LINC00305: variants seen among roughly 807,000 people sequenced by gnomAD.
LINC00305 encodes long intergenic non-protein coding RNA 305.
intron 1 of LINC00305, among the ~76,000 whole-genome samples, chr18:64,140,888 G>A (rs553685381): frequency 3.8e-4 from 57 of 151,996 alleles, no homozygotes; most frequent in African/African-American, 1.3e-3. Flanking sequence ...AGAAAGACAC[G>A]GAGAGATGCA....
At chr18:64,111,879 C>T (rs1046669789) in intron 1 of LINC00305, among the ~76,000 whole-genome samples, 6 of 152,120 alleles carry the variant, frequency 3.9e-5, no homozygotes, top group South Asian at 2.1e-4. Context: ...AATGTACCTC[C>T]GGGAACAGTA....
intron 1 of LINC00305, among the ~76,000 whole-genome samples, chr18:64,107,875 G>A (rs1438592426): frequency 6.6e-6 from 1 of 152,152 alleles, no homozygotes; most frequent in Non-Finnish European, 1.5e-5. Flanking sequence ...CAATAGGCTG[G>A]TTCTACATCT....
intron 3 of LINC00305, among the ~76,000 whole-genome samples, chr18:64,096,762 C>CA (rs769991445): frequency 4.8e-4 from 73 of 151,798 alleles, no homozygotes; most frequent in South Asian, 1.2e-3. Flanking sequence ...CTTTGTATTA[C>CA]AAAACGTAGT....
At chr18:64,104,658 C>T (rs973629726) in intron 1 of LINC00305, among the ~76,000 whole-genome samples, 2 of 152,188 alleles carry the variant, frequency 1.3e-5, no homozygotes, top group African/African-American at 4.8e-5. Context: ...AGGACTCTAC[C>T]TACCTTGAAG....
intron 1 of LINC00305, among the ~76,000 whole-genome samples, chr18:64,139,178 A>G (rs969306241): frequency 4.6e-5 from 7 of 152,202 alleles, no homozygotes; most frequent in African/African-American, 1.4e-4. Context: ...CTCAATTCTT[A>G]ATCTCCTGAA....
intron 1 of LINC00305, among the ~76,000 whole-genome samples, chr18:64,136,377 C>G (rs1004794241): frequency 2.6e-5 from 4 of 152,098 alleles, no homozygotes; most frequent in African/African-American, 7.2e-5. Flanking sequence ...TTCCATATGG[C>G]TGGGGAGGCC....
chr18:64,088,850 C>T (rs1387689650), intron 3 of LINC00305, among the ~76,000 whole-genome samples: 2 of 152,106 alleles, frequency 1.3e-5, no homozygotes, highest in East Asian at 3.9e-4. Flanking sequence ...GGAGGATTAG[C>T]TGCAGAAGTC....
At chr18:64,140,121 T>C (rs1227860799) in intron 1 of LINC00305, among the ~76,000 whole-genome samples, 3 of 152,152 alleles carry the variant, frequency 2.0e-5, no homozygotes, top group East Asian at 3.9e-4. Context: ...TTTCTGTGAC[T>C]CTGCTCATGT....
chr18:64,143,738 ATAT>A (rs1279914433), intron 1 of LINC00305, among the ~76,000 whole-genome samples: 828 of 70,468 alleles, frequency 0.012, 52 homozygotes, highest in Admixed American at 0.095. Context: ...GTATGTCCAC[ATAT>A]TATGCGTACA....
At chr18:64,094,039 C>T (rs148248686) in intron 3 of LINC00305, among the ~76,000 whole-genome samples, 2 of 152,236 alleles carry the variant, frequency 1.3e-5, no homozygotes, top group African/African-American at 4.8e-5. Context: ...AAATCCCTTG[C>T]TATACCTGGG....
chr18:64,146,075 ACT>A (rs1274448775), intron 1 of LINC00305, among the ~76,000 whole-genome samples: 1 of 152,094 alleles, frequency 6.6e-6, no homozygotes, highest in Admixed American at 6.5e-5. Flanking sequence ...ATTAAAAAAA[ACT>A]CTGAAAGACA....
intron 1 of LINC00305, among the ~76,000 whole-genome samples, chr18:64,115,422 A>C (rs2051333260): frequency 6.6e-6 from 1 of 152,134 alleles, no homozygotes. Context: ...AGGACTTTGC[A>C]AAGAAGGAGG....
chr18:64,102,912 C>T (rs1599211887), intron 1 of LINC00305, among the ~76,000 whole-genome samples: 1 of 152,204 alleles, frequency 6.6e-6, no homozygotes, highest in East Asian at 1.9e-4. Flanking sequence ...CCACCTCCAA[C>T]ATTGGAGATT....
intron 1 of LINC00305, among the ~76,000 whole-genome samples, chr18:64,118,496 T>C (rs1472165283): frequency 6.6e-6 from 1 of 152,080 alleles, no homozygotes; most frequent in Admixed American, 6.6e-5. Flanking sequence ...CATTATAACT[T>C]TTTTGTATGA....
At chr18:64,136,033 C>G (rs1224955565) in intron 1 of LINC00305, among the ~76,000 whole-genome samples, 1 of 152,152 alleles carries the variant, frequency 6.6e-6, no homozygotes, top group Non-Finnish European at 1.5e-5. Context: ...CCAGCTCCGA[C>G]CAGGTGCTTA....
intron 1 of LINC00305, among the ~76,000 whole-genome samples, chr18:64,134,928 G>T (rs1010360685): frequency 2.0e-5 from 3 of 152,188 alleles, no homozygotes; most frequent in African/African-American, 7.2e-5. Flanking sequence ...GGAGTTAACA[G>T]ATAATGTCTG....
rs569440825 is a variant in LINC00305 at position 64,128,121 on chromosome 18, T to C, written n.314+20654A>G. Among the ~76,000 whole-genome samples the C allele has an allele frequency of 3.9e-5, 6 of 152,226 alleles. No individual in the cohort carries two copies. The East Asian group carries it at 1.2e-3, about 29-fold the overall frequency. On this transcript the variant is annotated intron_variant and non_coding_transcript_variant, in intron 1 of 3. Transcript: ENST00000666468. ...TGTCAGATTAAATCAAATAATGGTG[T>C]CTGTCTAATTGTTTTGCAAAATGAA...
intron 1 of LINC00305, among the ~76,000 whole-genome samples, chr18:64,119,189 C>A (rs958149433): frequency 3.3e-5 from 5 of 152,004 alleles, no homozygotes; most frequent in Admixed American, 2.0e-4. Context: ...TAGACTCCTG[C>A]GGGTACAGAA....
At chr18:64,120,716 T>G (rs1377155547) in intron 1 of LINC00305, among the ~76,000 whole-genome samples, 2 of 152,132 alleles carry the variant, frequency 1.3e-5, no homozygotes, top group Non-Finnish European at 2.9e-5. Context: ...AATTTAGTTA[T>G]CACGTTCTAT....
Sources: allele counts gnomAD v4.1 joint callset (sites outside exome capture counted in the v4.1 genomes callset), GRCh38; gene constraint gnomAD v4.1.1; transcripts MANE v1.5; gene names NCBI Gene and HGNC (gene_info 2026-07-23, HGNC 2026-07-21).